Variants in WLS observed in about 807,000 individuals in gnomAD.
The protein encoded by WLS is Wnt ligand secretion mediator.
In WLS, 23 loss-of-function variants were observed where a neutral mutation model predicts 62.8. That is an observed-to-expected ratio of 0.37 (90% CI 0.26 to 0.52). The LOEUF is 0.52. WLS is among the 20% of genes least tolerant of loss of function. The probability of loss-of-function intolerance (pLI) is 0.92; values close to 1 mark genes in which losing one functional copy is unlikely to be tolerated. For missense variants in WLS, 615 were observed against 697.3 expected, an observed-to-expected ratio of 0.88 and a Z score of 1.33; for synonymous variants, 246 against 244.1, an observed-to-expected ratio of 1.01 and a Z score of -0.07.
At position 68,155,136 on chromosome 1, in the gene WLS, T is replaced by C. The variant is rs1557481488; in HGVS notation, c.629A>G (p.Asn210Ser). The C allele has an allele frequency of 2.5e-6, 4 of 1,613,992 alleles. No homozygotes were observed. The highest frequency in any genetic ancestry group is 2.2e-5 in the East Asian group (1 of 44,868). The change falls in exon 4 of 12, where the codon AAT (asparagine) becomes AGT (serine). Residue 210 changes from asparagine to serine, a missense_variant. Asn to Ser is a conservative substitution (Grantham distance 46). Transcript: ENST00000262348. ...RLPVNEKKKINVGIGEIKDIR... is the reference protein window; with the variant it reads ...RLPVNEKKKISVGIGEIKDIR... The stretch of plus-strand genomic sequence containing the variant: ...ATCCTTTATCTCCCCAATTCCCACA[T>C]TGATTTTCTTCTTCTCATTCACAGG...
At chr1:68,183,669 A>C (rs927847599) in intron 2 of WLS, 3 of 344,646 alleles carry the variant, frequency 8.7e-6, no homozygotes, top group Non-Finnish European at 1.8e-5. Flanking sequence ...TGATCAATAG[A>C]TTGTTCCCTT....
chr1:68,172,452 ATTAAAC>A (rs1042388891), intron 2 of WLS, among the ~76,000 whole-genome samples: 15 of 149,512 alleles, frequency 1.0e-4, no homozygotes, highest in African/African-American at 3.4e-4. Flanking sequence ...GAGTGAAACA[ATTAAAC>A]TTCTTCTATA....
intron 1 of WLS, among the ~76,000 whole-genome samples, chr1:68,226,808 A>G (rs193062617): frequency 1.3e-5 from 2 of 152,316 alleles, no homozygotes; most frequent in Admixed American, 1.3e-4. Context: ...ACCTTTATAT[A>G]ATTTCAACAA....
chr1:68,198,984 G>A (rs17130569), intron 1 of WLS, among the ~76,000 whole-genome samples: 10,689 of 152,166 alleles, frequency 0.07, 514 homozygotes, highest in African/African-American at 0.12. Context: ...CTAGCCAACC[G>A]CTAGCATTTA....
rs34130992 is a variant in WLS at position 68,187,189 on chromosome 1, C to CAAAAAAAAAAAAAAAAAAAAAAAAAAAA, written c.379+6765_379+6766insTTTTTTTTTTTTTTTTTTTTTTTTTTTT. 1.7e-3 allele frequency among the ~76,000 whole-genome samples: 99 copies of CAAAAAAAAAAAAAAAAAAAAAAAAAAAA among 57,126 alleles called. 7 individuals carry two copies. The highest frequency in any genetic ancestry group is 3.6e-3 in the East Asian group (7 of 1,922). The allele number at this position is 57,126 out of a possible 152,430, so 37.5% of individuals were successfully genotyped here. The stretch of plus-strand genomic sequence containing the variant: ...GGGGGACAGAGCAAGACTCCATCTC[C>CAAAAAAAAAAAAAAAAAAAAAAAAAAAA]AAAAAAAAAAAAAAAAAAAAAATTA... On this transcript the variant is annotated intron_variant, in intron 2 of 11. Transcript: ENST00000262348.
chr1:68,156,342 T>A (rs1270609169), intron 3 of WLS, among the ~76,000 whole-genome samples: 2 of 152,132 alleles, frequency 1.3e-5, no homozygotes, highest in African/African-American at 4.8e-5. Flanking sequence ...TTGTCATAAA[T>A]CTTCAGAGCA....
chr1:68,199,657 T>C (rs1648892644), intron 1 of WLS, among the ~76,000 whole-genome samples: 2 of 152,230 alleles, frequency 1.3e-5, no homozygotes, highest in Admixed American at 1.3e-4. Flanking sequence ...ATAATTCTAC[T>C]AGAGTGCCTT....
At chr1:68,155,541 AC>A (rs1274388851) in intron 3 of WLS, among the ~76,000 whole-genome samples, 1 of 152,060 alleles carries the variant, frequency 6.6e-6, no homozygotes, top group Non-Finnish European at 1.5e-5. Flanking sequence ...ATCTCCTAAC[AC>A]CTTTCTAGGC....
At chr1:68,185,783 G>A (rs577147917) in intron 2 of WLS, among the ~76,000 whole-genome samples, 86 of 152,266 alleles carry the variant, frequency 5.6e-4, no homozygotes, top group African/African-American at 2.0e-3. Context: ...GCCATGCTCC[G>A]GGAACCTCTG....
chr1:68,217,757 G>C (rs898713419), intron 1 of WLS, among the ~76,000 whole-genome samples: 2 of 152,180 alleles, frequency 1.3e-5, no homozygotes, highest in African/African-American at 4.8e-5. Context: ...CAGCTTAACT[G>C]TGGGGCCCCT....
intron 2 of WLS, among the ~76,000 whole-genome samples, chr1:68,170,749 ATATGACACT>A (rs1647141234): frequency 1.3e-5 from 2 of 151,868 alleles, no homozygotes; most frequent in African/African-American, 4.8e-5. Flanking sequence ...TCACCCAGCA[ATATGACACT>A]TATGACACTT....
downstream of WLS, among the ~76,000 whole-genome samples, chr1:68,123,318 G>A (rs536662507): frequency 2.0e-4 from 31 of 152,064 alleles, no homozygotes; most frequent in African/African-American, 5.5e-4. Context: ...TGTTTCTTTC[G>A]TCTTTTTTCC....
At chr1:68,231,403 C>G (rs987444873) in intron 1 of WLS, among the ~76,000 whole-genome samples, 27 of 152,096 alleles carry the variant, frequency 1.8e-4, no homozygotes, top group African/African-American at 6.3e-4. Flanking sequence ...GGGACATTCA[C>G]AGTCACCGGC....
chr1:68,161,039 C>T (rs748312597), intron 2 of WLS, among the ~76,000 whole-genome samples: 2 of 152,152 alleles, frequency 1.3e-5, no homozygotes, highest in African/African-American at 4.8e-5. Context: ...CTTCTTGAAC[C>T]GTTTTAGCTC....
In WLS at chr1:68,175,665, T is replaced by C. The variant is rs114607064; in HGVS notation, c.380-16418A>G. On this transcript the variant is annotated intron_variant, in intron 2 of 11. Coordinates refer to ENST00000262348, the MANE Select transcript of WLS (RefSeq NM_024911.7). ...AAACAAAGAGCTATAAAACCATGCC[T>C]GTCCTCAGGGCACTTATAATGGAGT... is the stretch of plus-strand genomic sequence containing the variant. Among the ~76,000 whole-genome samples, 270 of 152,318 alleles carry C rather than the reference T, an allele frequency of 1.8e-3. 1 individual carries two copies. The highest frequency in any genetic ancestry group is 6.2e-3 in the African/African-American group (256 of 41,570).
intron 1 of WLS, among the ~76,000 whole-genome samples, chr1:68,208,864 G>A (rs998541259): frequency 6.6e-6 from 1 of 152,194 alleles, no homozygotes. Flanking sequence ...TAAGGTTAGA[G>A]ATATGCCTGC....
intron 1 of WLS, among the ~76,000 whole-genome samples, chr1:68,204,316 T>C (rs1649180662): frequency 6.6e-6 from 1 of 152,002 alleles, no homozygotes; most frequent in Non-Finnish European, 1.5e-5. Context: ...TAGGAATTAT[T>C]ATTATTATTA....
chr1:68,219,044 A>T (rs1477926781), intron 1 of WLS, among the ~76,000 whole-genome samples: 1 of 152,236 alleles, frequency 6.6e-6, no homozygotes, highest in African/African-American at 2.4e-5. Flanking sequence ...CCCTCACGGA[A>T]CAGAAGAAAC....
At chr1:68,173,058 G>C (rs1469846433) in intron 2 of WLS, among the ~76,000 whole-genome samples, 1 of 152,204 alleles carries the variant, frequency 6.6e-6, no homozygotes, top group African/African-American at 2.4e-5. Flanking sequence ...TGCTAACACA[G>C]TTCTCAGTGT....
Sources: gnomAD v4.1 joint callset for allele counts (sites outside exome capture counted in the v4.1 genomes callset) on GRCh38, gnomAD v4.1.1 for gene constraint, MANE v1.5 for transcripts, NCBI Gene and HGNC (gene_info 2026-07-23, HGNC 2026-07-21) for gene names.